CNBD1: variants seen among roughly 807,000 people sequenced by gnomAD.
CNBD1 encodes the protein cyclic nucleotide binding domain containing 1.
CNBD1 carries 71 observed loss-of-function variants against 54.4 expected under a neutral mutation model. The ratio of observed to expected loss-of-function variants is 1.30; its 90% CI spans 1.08 to 1.59. The LOEUF is 1.59. Among genes scored for constraint, CNBD1 ranks in the 40% most tolerant of loss-of-function variants. CNBD1 has a pLI of 0.00. For missense variants in CNBD1, 659 were observed against 518.0 expected, an observed-to-expected ratio of 1.27 and a Z score of -2.64; for synonymous variants, 182 against 170.7, an observed-to-expected ratio of 1.07 and a Z score of -0.51.
At chr8:87,278,123 A>G (rs2130864349) in intron 6 of CNBD1, among the ~76,000 whole-genome samples, 1 of 151,774 alleles carries the variant, frequency 6.6e-6, no homozygotes, top group East Asian at 1.9e-4. Flanking sequence ...GATTAGTAGA[A>G]CATGTCATAA....
intron 4 of CNBD1, among the ~76,000 whole-genome samples, chr8:87,150,719 A>G (rs1812585962): frequency 1.3e-5 from 2 of 152,156 alleles, no homozygotes; most frequent in South Asian, 2.1e-4. Context: ...GAGGTTGTCA[A>G]TGTGATTAGC....
At chr8:86,895,416 A>G (rs1808835554) in intron 2 of CNBD1, among the ~76,000 whole-genome samples, 1 of 152,222 alleles carries the variant, frequency 6.6e-6, no homozygotes, top group South Asian at 2.1e-4. Context: ...TAAAGCTGCT[A>G]TGAACATTTA....
chr8:87,353,925 T>TA, intron 10 of CNBD1, 139 bp downstream of exon 10: 1 of 567,310 alleles, frequency 1.8e-6, no homozygotes, highest in Non-Finnish European at 3.1e-6. Flanking sequence ...ATTTGCATAA[T>TA]CTCCTCCAGA....
chr8:86,909,929 TTA>T (rs1208671558), intron 3 of CNBD1, among the ~76,000 whole-genome samples: 1 of 152,194 alleles, frequency 6.6e-6, no homozygotes, highest in African/African-American at 2.4e-5. Context: ...CAAGTAGCTA[TTA>T]TATAGCAGGC....
At chr8:87,290,554 G>C (rs1808766618) in intron 8 of CNBD1, among the ~76,000 whole-genome samples, 1 of 152,148 alleles carries the variant, frequency 6.6e-6, no homozygotes. Flanking sequence ...TTTACCTTTA[G>C]TGGTACTTTT....
At chr8:87,406,433 T>C (rs1394929067) in intron 2 of CNBD1, among the ~76,000 whole-genome samples, 7 of 149,624 alleles carry the variant, frequency 4.7e-5, no homozygotes, top group Admixed American at 3.4e-4. Context: ...TCAGTTTACA[T>C]ATATATGTGT....
chr8:87,372,932 G>A (rs1032891077), intron 10 of CNBD1, among the ~76,000 whole-genome samples: 4 of 151,624 alleles, frequency 2.6e-5, no homozygotes, highest in African/African-American at 4.8e-5. Context: ...CTTTACCTAA[G>A]TAAACTCCTG....
intron 4 of CNBD1, among the ~76,000 whole-genome samples, chr8:87,048,152 A>T (rs927915641): frequency 1.3e-5 from 2 of 152,154 alleles, no homozygotes; most frequent in Non-Finnish European, 2.9e-5. Flanking sequence ...AAGGGGAAAG[A>T]GAGGGAAGAG....
At chr8:86,959,009 G>A (rs544091372) in intron 4 of CNBD1, among the ~76,000 whole-genome samples, 38 of 152,246 alleles carry the variant, frequency 2.5e-4, no homozygotes, top group African/African-American at 8.9e-4. Context: ...TCCATGTTTA[G>A]TTCTTCCTCC....
intron 4 of CNBD1, among the ~76,000 whole-genome samples, chr8:87,118,179 G>T (rs1033009446): frequency 6.6e-6 from 1 of 151,872 alleles, no homozygotes; most frequent in African/African-American, 2.4e-5. Context: ...GCCAGGCGTG[G>T]TGGCATGCAC....
intron 5 of CNBD1, among the ~76,000 whole-genome samples, chr8:87,214,546 T>G (rs1235847341): frequency 6.6e-6 from 1 of 152,146 alleles, no homozygotes; most frequent in East Asian, 1.9e-4. Context: ...TTTTCCACAT[T>G]TTCGGGTATC....
At chr8:87,281,016 A>G (rs1023280644) in intron 6 of CNBD1, among the ~76,000 whole-genome samples, 3 of 151,624 alleles carry the variant, frequency 2.0e-5, no homozygotes, top group Non-Finnish European at 4.4e-5. Context: ...AAATAGCTTT[A>G]TAGTGTTGTC....
At chr8:87,016,453 A>T (rs1809357772) in intron 4 of CNBD1, among the ~76,000 whole-genome samples, 1 of 142,966 alleles carries the variant, frequency 7.0e-6, no homozygotes, top group African/African-American at 2.7e-5. Flanking sequence ...ATAAAATTAA[A>T]TGAAAAAAAA....
chr8:86,973,714 G>A (rs1184628709), intron 4 of CNBD1, among the ~76,000 whole-genome samples: 1 of 152,106 alleles, frequency 6.6e-6, no homozygotes, highest in South Asian at 2.1e-4. Flanking sequence ...TGTACTACCA[G>A]GTGGAATTCC....
chr8:87,358,878 T>G (rs972311267), intron 10 of CNBD1, among the ~76,000 whole-genome samples: 1 of 152,182 alleles, frequency 6.6e-6, no homozygotes, highest in Non-Finnish European at 1.5e-5. Context: ...GATGGCCATC[T>G]TAGCTGAAGA....
chr8:86,999,127 G>A (rs757478239), intron 4 of CNBD1, among the ~76,000 whole-genome samples: 1 of 152,318 alleles, frequency 6.6e-6, no homozygotes, highest in Non-Finnish European at 1.5e-5. Flanking sequence ...AAGAGTGACC[G>A]AAGGGCAGGG....
chr8:87,045,744 A>AAAAAAC (rs1554549758), intron 4 of CNBD1, among the ~76,000 whole-genome samples: 2 of 146,568 alleles, frequency 1.4e-5, no homozygotes, highest in Admixed American at 6.8e-5. Flanking sequence ...AAAAAAAAAA[A>AAAAAAC]CAGTACACAT....
intron 2 of CNBD1, among the ~76,000 whole-genome samples, chr8:87,413,702 G>C (rs1377776978): frequency 6.6e-6 from 1 of 151,836 alleles, no homozygotes; most frequent in Non-Finnish European, 1.5e-5. Flanking sequence ...CCATCAAAAA[G>C]TGGGTGAAGG....
chr8:87,303,910 A>G (rs187415377), intron 8 of CNBD1, among the ~76,000 whole-genome samples: 5 of 152,354 alleles, frequency 3.3e-5, no homozygotes, highest in Admixed American at 2.0e-4. Context: ...TGGCCATCAG[A>G]GAAATGCAAA....
Sources: allele counts gnomAD v4.1 joint callset (sites outside exome capture counted in the v4.1 genomes callset), GRCh38; gene constraint gnomAD v4.1.1; transcripts MANE v1.5; gene names NCBI Gene and HGNC (gene_info 2026-07-23, HGNC 2026-07-21).